The following ERC2 variants were observed in gnomAD, a reference collection of about 807,000 sequenced individuals.
ERC2 encodes ERC protein 2.
In ERC2, 42 loss-of-function variants were observed where a neutral mutation model predicts 114.8. That is an observed-to-expected ratio of 0.37 (90% confidence interval 0.29 to 0.47). The LOEUF is 0.47. ERC2 is among the 20% of genes least tolerant of loss of function. The probability of loss-of-function intolerance (pLI) is 0.99; values close to 1 mark genes in which losing one functional copy is unlikely to be tolerated. For synonymous variants in ERC2, 454 were observed against 425.5 expected (o/e 1.07, Z -0.82); for missense variants, 939 against 1,150.7 (o/e 0.82, Z 2.66).
intron 3 of ERC2, among the ~76,000 whole-genome samples, chr3:56,239,281 C>G (rs2051164511): frequency 6.6e-6 from 1 of 152,142 alleles, no homozygotes; most frequent in African/African-American, 2.4e-5. Context: ...CTTTCGGAGG[C>G]CGAGGCGGGC....
intron 16 of ERC2, among the ~76,000 whole-genome samples, chr3:55,694,882 C>T (rs893321706): frequency 1.3e-5 from 2 of 152,202 alleles, no homozygotes; most frequent in East Asian, 1.9e-4. Context: ...TGGTGCCTGG[C>T]ATTTTAAGTT....
At chr3:56,331,551 C>T (rs1405642024) in intron 2 of ERC2, among the ~76,000 whole-genome samples, 2 of 152,140 alleles carry the variant, frequency 1.3e-5, no homozygotes, top group Non-Finnish European at 2.9e-5. Flanking sequence ...AGTTCTTGGG[C>T]TCAGGAGCTT....
chr3:56,075,986 A>T (rs1276365134), intron 7 of ERC2, among the ~76,000 whole-genome samples: 1 of 152,126 alleles, frequency 6.6e-6, no homozygotes, highest in Non-Finnish European at 1.5e-5. Context: ...TGAGGTTATC[A>T]TCATTCAGAA....
At chr3:56,204,124 G>T (rs1468070322) in intron 3 of ERC2, among the ~76,000 whole-genome samples, 4 of 152,196 alleles carry the variant, frequency 2.6e-5, no homozygotes, top group African/African-American at 9.6e-5. Flanking sequence ...AGGAGGCAGA[G>T]GCTGCAGTGA....
chr3:55,719,681 T>C lies in ERC2; in HGVS notation c.2712+15090A>G, dbSNP rs569956927. On this transcript the variant is annotated intron_variant, in intron 15 of 17. Transcript: ENST00000288221. ...ACTTAAGTGTCTGGTTCATAAAAAATAAACCCCCAGAGATTGCTCTTCCCC... is the reference window on the plus strand; with the variant it reads ...ACTTAAGTGTCTGGTTCATAAAAAACAAACCCCCAGAGATTGCTCTTCCCC... 4.6e-5 allele frequency among the ~76,000 whole-genome samples: 7 copies of C among 152,206 alleles called. No individual in the cohort carries two copies. The South Asian group carries it at 1.0e-3, about 23-fold the overall frequency.
In ERC2 at chr3:55,780,850, C is replaced by A. The variant is rs75199311; in HGVS notation, c.2565-45932G>T. ...CTCTGTGGCAAATATCTCCTCCCAC[C>A]AGGGCATCTGATTCTGTAGCCCTGT... On this transcript the variant is annotated intron_variant, in intron 14 of 17. Coordinates refer to ENST00000288221, the MANE Select transcript of ERC2 (RefSeq NM_015576.3). Among the ~76,000 whole-genome samples the A allele has an allele frequency of 5.7e-3, 869 of 152,308 alleles. 7 individuals carry two copies. The highest frequency in any genetic ancestry group is 0.02 in the African/African-American group (844 of 41,570).
chr3:55,838,676 C>T (rs191581140), intron 14 of ERC2, among the ~76,000 whole-genome samples: 2 of 151,828 alleles, frequency 1.3e-5, no homozygotes, highest in East Asian at 3.9e-4. Context: ...TTGAAAAGAT[C>T]ACTTAAGTTG....
intron 17 of ERC2, chr3:55,659,456 CT>C (rs1325266518): frequency 2.6e-5 from 4 of 152,402 alleles, no homozygotes; most frequent in African/African-American, 9.6e-5. Flanking sequence ...TGGAATCCCG[CT>C]GCTTTTCCCC....
intron 12 of ERC2, among the ~76,000 whole-genome samples, chr3:55,962,412 T>C (rs572307046): frequency 6.6e-6 from 1 of 152,342 alleles, no homozygotes; most frequent in South Asian, 2.1e-4. Context: ...AGACAATATA[T>C]ACACTAATAT....
At chr3:55,704,226 A>G (rs918074847) in intron 15 of ERC2, among the ~76,000 whole-genome samples, 2 of 152,240 alleles carry the variant, frequency 1.3e-5, no homozygotes, top group African/African-American at 2.4e-5. Flanking sequence ...ATCGACTAGT[A>G]ATAGACTCAA....
chr3:55,830,935 C>G (rs371914159), intron 14 of ERC2, among the ~76,000 whole-genome samples: 1 of 151,920 alleles, frequency 6.6e-6, no homozygotes. Flanking sequence ...CAGAGTGACA[C>G]CCCATTTCTT....
intron 14 of ERC2, among the ~76,000 whole-genome samples, chr3:55,843,679 C>G (rs1194364538): frequency 6.6e-6 from 1 of 152,212 alleles, no homozygotes; most frequent in Non-Finnish European, 1.5e-5. Flanking sequence ...GGAGGACTTT[C>G]CAATGCTGAA....
intron 7 of ERC2, among the ~76,000 whole-genome samples, chr3:56,029,015 G>A (rs1010025636): frequency 1.3e-5 from 2 of 151,826 alleles, no homozygotes; most frequent in Non-Finnish European, 2.9e-5. Context: ...ATTATGAATG[G>A]GTATTGAATT....
chr3:56,141,323 A>C (rs1265958918), intron 5 of ERC2, among the ~76,000 whole-genome samples: 1 of 152,170 alleles, frequency 6.6e-6, no homozygotes, highest in Non-Finnish European at 1.5e-5. Context: ...CAACAAATGC[A>C]GCAAAATAAT....
At chr3:55,733,650 G>A (rs1260761866) in intron 15 of ERC2, among the ~76,000 whole-genome samples, 1 of 152,074 alleles carries the variant, frequency 6.6e-6, no homozygotes, top group Non-Finnish European at 1.5e-5. Context: ...CTGGTGCAGG[G>A]TCAATGTATG....
At chr3:55,597,755 A>C (rs2148518057) in intron 17 of ERC2, among the ~76,000 whole-genome samples, 2 of 152,288 alleles carry the variant, frequency 1.3e-5, no homozygotes, top group South Asian at 4.1e-4. Context: ...GCATCAATGA[A>C]CATGTGCTGA....
intron 12 of ERC2, among the ~76,000 whole-genome samples, chr3:55,980,056 T>C (rs908795223): frequency 9.5e-5 from 14 of 146,796 alleles, no homozygotes; most frequent in East Asian, 2.0e-4. Context: ...AAAGTTCTTA[T>C]GCAAAAATAA....
intron 17 of ERC2, among the ~76,000 whole-genome samples, chr3:55,623,047 A>G (rs942803131): frequency 2.6e-5 from 4 of 152,232 alleles, no homozygotes; most frequent in Non-Finnish European, 4.4e-5. Context: ...AAAATTCCAG[A>G]TAAAGAATTC....
At chr3:56,149,277 T>C (rs1274915242) in intron 4 of ERC2, 145 bp from the exon 5 acceptor site, 14 of 713,514 alleles carry the variant, frequency 2.0e-5, no homozygotes, top group Non-Finnish European at 2.8e-5. Flanking sequence ...GGACAACTTA[T>C]TTTTTTTCAC....
Sources: allele counts gnomAD v4.1 joint callset (sites outside exome capture counted in the v4.1 genomes callset), GRCh38; gene constraint gnomAD v4.1.1; transcripts MANE v1.5; gene names NCBI Gene and HGNC (gene_info 2026-07-23, HGNC 2026-07-21).